MTA3: variants seen among roughly 807,000 people sequenced by gnomAD.
The protein encoded by MTA3 is metastasis-associated protein MTA3.
MTA3 carries 34 observed loss-of-function variants against 83.5 expected under a neutral mutation model. The observed-to-expected ratio is 0.41, with a 90% confidence interval of 0.31 to 0.54. The LOEUF is 0.54. Ranked by LOEUF, MTA3 falls within the 20% of genes least tolerant of loss-of-function variation. MTA3 has a pLI of 0.33. For missense variants in MTA3, 761 were observed against 726.4 expected (o/e 1.05, Z -0.55); for synonymous variants, 303 against 252.7 (o/e 1.20, Z -1.89).
chr2:42,495,936 A>T (rs1019741243), intron 2 of MTA3, among the ~76,000 whole-genome samples: 1 of 152,168 alleles, frequency 6.6e-6, no homozygotes, highest in African/African-American at 2.4e-5. Context: ...GGACGTGAGG[A>T]TGGGGAAAAG....
chr2:42,548,878 T>TATATATATATTATATATATATATATATA (rs1676931756), intron 2 of MTA3, among the ~76,000 whole-genome samples: 6 of 11,292 alleles, frequency 5.3e-4, no homozygotes, highest in African/African-American at 4.6e-3. Context: ...ATATATATAA[T>TATATATATATTATATATATATATATATA]ATATATATAT....
At chr2:42,722,656 T>C (rs878923609) in intron 15 of MTA3, among the ~76,000 whole-genome samples, 1 of 152,152 alleles carries the variant, frequency 6.6e-6, no homozygotes, top group Admixed American at 6.5e-5. Flanking sequence ...TTTGCTTGTA[T>C]TCACAACCCG....
At chr2:42,588,449 A>T (rs958402865) in intron 3 of MTA3, among the ~76,000 whole-genome samples, 6 of 152,196 alleles carry the variant, frequency 3.9e-5, no homozygotes, top group African/African-American at 1.2e-4. Context: ...TGTGTTTGAA[A>T]AAGCATATAG....
intron 2 of MTA3, among the ~76,000 whole-genome samples, chr2:42,499,076 T>C (rs1157080085): frequency 2.0e-5 from 3 of 152,192 alleles, no homozygotes; most frequent in African/African-American, 7.2e-5. Context: ...TTCAGTTATA[T>C]AGGATGAATA....
intron 2 of MTA3, among the ~76,000 whole-genome samples, chr2:42,571,386 CAAAAAAAA>C (rs34003791): frequency 1.4e-4 from 9 of 63,794 alleles, no homozygotes; most frequent in African/African-American, 6.1e-4. Context: ...AACACTGTCT[CAAAAAAAA>C]AAAAAAAAAA....
At chr2:42,608,242 G>T (rs1164510548) in intron 3 of MTA3, among the ~76,000 whole-genome samples, 1 of 152,152 alleles carries the variant, frequency 6.6e-6, no homozygotes, top group Non-Finnish European at 1.5e-5. Context: ...TCCTAATTAG[G>T]TAAAGAGTGT....
chr2:42,522,614 A>C (rs1454825684), intron 2 of MTA3, among the ~76,000 whole-genome samples: 1 of 151,714 alleles, frequency 6.6e-6, no homozygotes, highest in East Asian at 2.0e-4. Flanking sequence ...TGGGCATCAC[A>C]GGGAGACCCC....
intron 3 of MTA3, among the ~76,000 whole-genome samples, chr2:42,603,753 T>C (rs1205360303): frequency 6.6e-6 from 1 of 152,206 alleles, no homozygotes; most frequent in Non-Finnish European, 1.5e-5. Flanking sequence ...CACAATTTTC[T>C]TTCTTTCCTT....
chr2:42,749,267 G>C (rs991093893), intron 16 of MTA3, among the ~76,000 whole-genome samples: 1 of 152,172 alleles, frequency 6.6e-6, no homozygotes, highest in Admixed American at 6.5e-5. Context: ...CAGCCTAGTA[G>C]ACTGTAGCTT....
chr2:42,632,168 C>A (rs1222331373), intron 4 of MTA3, among the ~76,000 whole-genome samples: 3 of 146,822 alleles, frequency 2.0e-5, no homozygotes, highest in Non-Finnish European at 3.0e-5. Flanking sequence ...CGGCTCACTG[C>A]AAGCTCTGCC....
chr2:42,659,666 T>C, intron 7 of MTA3, 97 bp from the exon 8 acceptor site: 3 of 886,298 alleles, frequency 3.4e-6, no homozygotes, highest in Non-Finnish European at 4.6e-6. Context: ...TCTTTTACAG[T>C]TTTTTATTTA....
chr2:42,546,109 G>A (rs1041780955), intron 2 of MTA3, among the ~76,000 whole-genome samples: 1 of 152,190 alleles, frequency 6.6e-6, no homozygotes. Flanking sequence ...AAGGGAAGGA[G>A]GGAGGGAGGA....
At chr2:42,621,790 C>T (rs1453362504) in intron 4 of MTA3, among the ~76,000 whole-genome samples, 19 of 150,978 alleles carry the variant, frequency 1.3e-4, no homozygotes, top group Non-Finnish European at 2.2e-4. Flanking sequence ...GGCGGCTGGG[C>T]AGAGACGCTC....
intron 8 of MTA3, among the ~76,000 whole-genome samples, chr2:42,664,089 C>G (rs945927954): frequency 6.6e-6 from 1 of 152,258 alleles, no homozygotes; most frequent in Admixed American, 6.5e-5. Context: ...TCTATCTACC[C>G]TTCCACCTCA....
rs372636957 is a variant in MTA3 at position 42,635,808 on chromosome 2, C to G, written c.318-4365C>G. 5.3e-5 allele frequency among the ~76,000 whole-genome samples: 8 copies of G among 152,050 alleles called. No homozygotes were observed. In the East Asian group the frequency reaches 9.6e-4, roughly 18 times the overall value. On this transcript the variant is annotated intron_variant, in intron 4 of 16. Transcript: ENST00000405094. Reference sequence around the variant, plus strand: ...CCAAGACAGAATTTCACTCTGTCACCCAGGCTCGAGTGCAGTGGCATGATC... The same window carrying G: ...CCAAGACAGAATTTCACTCTGTCACGCAGGCTCGAGTGCAGTGGCATGATC...
At chr2:42,683,206 A>G (rs1358088884) in intron 9 of MTA3, among the ~76,000 whole-genome samples, 2 of 152,140 alleles carry the variant, frequency 1.3e-5, no homozygotes, top group Non-Finnish European at 1.5e-5. Context: ...TTTTCTCACC[A>G]TTTGCGCTAA....
intron 16 of MTA3, among the ~76,000 whole-genome samples, chr2:42,729,113 T>TTTTTTTTTTTTTTTTTG (rs1573784154): frequency 7.0e-6 from 1 of 142,472 alleles, no homozygotes; most frequent in African/African-American, 2.7e-5. Flanking sequence ...TTTTTTTTTT[T>TTTTTTTTTTTTTTTTTG]CACAGAGTCA....
rs1013011050 is a variant in MTA3, at chr2:42,697,841, A to C, written c.1025+7A>C. 6.6e-7 allele frequency: 1 copy of C among 1,506,412 alleles called. No individual in the cohort carries two copies. Among genetic ancestry groups the C allele is most frequent in the African/African-American group, 1.4e-5 (1 of 71,428 alleles). 93.3% of individuals were successfully genotyped at this position (1,506,412 alleles called of 1,614,324 possible). On this transcript the variant is annotated splice_region_variant and intron_variant, in intron 11 of 16. Coordinates refer to ENST00000405094, the MANE Select transcript of MTA3 (RefSeq NM_001330442.2). ...AAGTATATATCCCAACCTAGTAAGT[A>C]ATTGAAATCTTTTAAAATATTTGTT... is the stretch of plus-strand genomic sequence containing the variant.
At chr2:42,568,554 A>ACCAGCCC (rs1678054269), upstream of MTA3, 1 of 235,816 alleles carries the variant, frequency 4.2e-6, no homozygotes, top group Non-Finnish European at 7.3e-6. Context: ...GGGGGCGGGC[A>ACCAGCCC]CCAGCCCCCA....
Sources: allele counts gnomAD v4.1 joint callset (sites outside exome capture counted in the v4.1 genomes callset), GRCh38; gene constraint gnomAD v4.1.1; transcripts MANE v1.5; gene names NCBI Gene and HGNC (gene_info 2026-07-23, HGNC 2026-07-21).